C2CD2: variants seen among roughly 807,000 people sequenced by gnomAD.
The protein encoded by C2CD2 is C2 domain-containing protein 2.
Under a neutral mutation model 74.3 loss-of-function variants are expected in C2CD2, and 43 were observed. That is an observed-to-expected ratio of 0.58 (90% confidence interval 0.45 to 0.75). The LOEUF (loss-of-function observed/expected upper bound fraction) is 0.75, where lower values mean the gene tolerates loss of function less well. C2CD2 is among the 30% of genes least tolerant of loss of function. The pLI is 0.00. For synonymous variants in C2CD2, 422 were observed against 390.7 expected, an observed-to-expected ratio of 1.08 and a Z score of -0.94; for missense variants, 801 against 916.3, an observed-to-expected ratio of 0.87 and a Z score of 1.63.
chr21:41,950,963 G>C (rs983394320), intron 1 of C2CD2, among the ~76,000 whole-genome samples: 2 of 152,190 alleles, frequency 1.3e-5, no homozygotes, highest in African/African-American at 4.8e-5. Context: ...GCAGAGGCAG[G>C]AGGGGGAGCA....
chr21:41,888,801 A>G lies in C2CD2; in HGVS notation c.*323T>C, dbSNP rs1429247590. 1 of 370,336 alleles carries G rather than the reference A, an allele frequency of 2.7e-6. No homozygotes were observed. The highest frequency in any genetic ancestry group is 6.0e-5 in the East Asian group (1 of 16,700). 22.9% of individuals were successfully genotyped at this position (370,336 alleles called of 1,614,324 possible). On this transcript the variant is annotated 3_prime_UTR_variant, in exon 14 of 14. Transcript: ENST00000380486. ...CCCTCAAACCTGCCCTCCACAATCT[A>G]TTAGAGCATATTATTTCACTTATAA...
intron 1 of C2CD2, among the ~76,000 whole-genome samples, chr21:41,944,363 A>G (rs2065380476): frequency 6.6e-6 from 1 of 151,372 alleles, no homozygotes; most frequent in African/African-American, 2.4e-5. Context: ...ATACACACAC[A>G]CAAAAAAAAT....
chr21:41,910,691 T>TACACAC (rs34542509), intron 7 of C2CD2, among the ~76,000 whole-genome samples: 22 of 151,548 alleles, frequency 1.5e-4, no homozygotes, highest in African/African-American at 5.3e-4. Context: ...ATAAAAGCTA[T>TACACAC]ACACACACAC....
At chr21:41,946,490 C>A (rs1425265523) in intron 1 of C2CD2, among the ~76,000 whole-genome samples, 3 of 152,142 alleles carry the variant, frequency 2.0e-5, no homozygotes, top group Non-Finnish European at 4.4e-5. Flanking sequence ...TCTTTCTCCC[C>A]CTCCTGCTCT....
At chr21:41,907,620 C>T (rs774123692) in intron 9 of C2CD2, 40 bp downstream of exon 9, 1 of 1,596,296 alleles carries the variant, frequency 6.3e-7, no homozygotes. Context: ...GGTAAGTGCC[C>T]CAAGCCGGAA....
intron 11 of C2CD2, 110 bp from the exon 12 acceptor site, chr21:41,901,859 TA>T: frequency 1.0e-6 from 1 of 967,612 alleles, no homozygotes; most frequent in South Asian, 1.4e-5. Context: ...AGATATTTTC[TA>T]AAAGGGGCCA....
Position 41,923,691 on chromosome 21 carries a change from C to G in C2CD2, c.379-1606G>C, listed in dbSNP as rs913636462. Reference sequence around the variant, plus strand: ...AATAAACCAAACTGTGGTTTCCTGACATAAATCATAATCATACAGTATTAA... The same window carrying G: ...AATAAACCAAACTGTGGTTTCCTGAGATAAATCATAATCATACAGTATTAA... On this transcript the variant is annotated intron_variant, in intron 2 of 13. Coordinates refer to ENST00000380486, the MANE Select transcript of C2CD2 (RefSeq NM_015500.2). The surrounding 1 kb of genome is among the most constrained non-coding windows in gnomAD (Gnocchi z 5.8). Among the ~76,000 whole-genome samples the G allele has an allele frequency of 2.0e-5, 3 of 152,160 alleles. No homozygotes were observed. The highest frequency in any genetic ancestry group is 7.2e-5 in the African/African-American group (3 of 41,428).
rs534780353 is a variant in C2CD2 at position 41,887,502 on chromosome 21, GAAA to G, written c.*1619_*1621del. On this transcript the variant is annotated 3_prime_UTR_variant, in exon 14 of 14. Coordinates refer to ENST00000380486, the MANE Select transcript of C2CD2 (RefSeq NM_015500.2). ...TTTTATACAGGTTTTTACTAAAAAA[GAAA>G]AAAATCCTATAATTTTGGTTTTCAT... 4.0e-5 allele frequency: 6 copies of G among 149,842 alleles called. No individual in the cohort carries two copies. Among genetic ancestry groups the G allele is most frequent in the Non-Finnish European group, 7.4e-5 (5 of 67,472 alleles). The allele number at this position is 149,842 out of a possible 1,614,324, so 9.3% of individuals were successfully genotyped here.
rs1427434718 is a variant in C2CD2, at chr21:41,953,782, G to A, written c.-134C>T. On this transcript the variant is annotated 5_prime_UTR_variant, in exon 1 of 14. Coordinates refer to ENST00000380486, the MANE Select transcript of C2CD2 (RefSeq NM_015500.2). ...GGGCGCGGCGGGGTCGGAGCCCGGC[G>A]AGGAGCGTGGCCGGGGGCCTCTGGG... 13 of 823,934 alleles carry A rather than the reference G, an allele frequency of 1.6e-5. No homozygotes were observed. The highest frequency in any genetic ancestry group is 3.6e-5 in the African/African-American group (2 of 55,708). 51.0% of individuals were successfully genotyped at this position (823,934 alleles called of 1,614,324 possible).
rs1318348095 is a variant in C2CD2, at chr21:41,903,209, G to C, written c.1433-1460C>G. Among the ~76,000 whole-genome samples the C allele has an allele frequency of 1.3e-5, 2 of 152,158 alleles. No individual in the cohort carries two copies. The highest frequency in any genetic ancestry group is 2.4e-5 in the African/African-American group (1 of 41,440). ...AGCCCCTTCATCTGGCTGTGCATTT[G>C]TGTGATAATAAACTGGTAAACCCAA... is the stretch of plus-strand genomic sequence containing the variant. On this transcript the variant is annotated intron_variant, in intron 11 of 13. Transcript: ENST00000380486. The surrounding 1 kb of genome is among the most constrained non-coding windows in gnomAD (Gnocchi z 4.5).
chr21:41,916,138 A>G (rs966762980), intron 5 of C2CD2, among the ~76,000 whole-genome samples: 3 of 152,194 alleles, frequency 2.0e-5, no homozygotes, highest in Admixed American at 6.5e-5. Context: ...CCTGAAATCC[A>G]AGGACATGAG....
chr21:41,953,154 G>A, intron 1 of C2CD2: 1 of 399,354 alleles, frequency 2.5e-6, no homozygotes, highest in Non-Finnish European at 4.4e-6. Flanking sequence ...TGGAGCACCT[G>A]CCGTTTGGAG....
chr21:41,931,756 G>A (rs1014824648), intron 2 of C2CD2, among the ~76,000 whole-genome samples: 1 of 150,070 alleles, frequency 6.7e-6, no homozygotes, highest in Non-Finnish European at 1.5e-5. Flanking sequence ...GGGCTGTTGG[G>A]GGGGACCCCA....
At chr21:41,951,362 C>T (rs1159038340) in intron 1 of C2CD2, among the ~76,000 whole-genome samples, 1 of 150,268 alleles carries the variant, frequency 6.7e-6, no homozygotes, top group South Asian at 2.1e-4. Flanking sequence ...TTCCCCCACC[C>T]CCGTCCCCAG....
intron 7 of C2CD2, among the ~76,000 whole-genome samples, chr21:41,911,752 A>C (rs552590640): frequency 3.3e-5 from 5 of 151,516 alleles, no homozygotes; most frequent in African/African-American, 1.2e-4. Context: ...ATACAGTGGC[A>C]CAATCACAGC....
chr21:41,897,551 A>AG (rs2064838623), intron 13 of C2CD2, among the ~76,000 whole-genome samples: 1 of 152,276 alleles, frequency 6.6e-6, no homozygotes, highest in African/African-American at 2.4e-5. Context: ...TGCTCTGTGG[A>AG]GGGGGGTCCA....
chr21:41,924,701 TAAA>T lies in C2CD2; in HGVS notation c.379-2619_379-2617del, dbSNP rs1334107683. ...TCCTTTTACTGCTTAAAGTAAAAAA[TAAA>T]AAATAAAAATAAATTTAAAAACCCA... On this transcript the variant is annotated intron_variant, in intron 2 of 13. Coordinates refer to ENST00000380486, the MANE Select transcript of C2CD2 (RefSeq NM_015500.2). The surrounding 1 kb of genome is among the most constrained non-coding windows in gnomAD (Gnocchi z 4.4). Among the ~76,000 whole-genome samples, 1 of 139,230 alleles carries T rather than the reference TAAA, an allele frequency of 7.2e-6. No homozygotes were observed. Among genetic ancestry groups the T allele is most frequent in the African/African-American group, 3.2e-5 (1 of 31,504 alleles). The allele number at this position is 139,230 out of a possible 152,430, so 91.3% of individuals were successfully genotyped here.
intron 2 of C2CD2, among the ~76,000 whole-genome samples, chr21:41,927,582 T>C (rs1005339701): frequency 5.9e-5 from 9 of 152,272 alleles, no homozygotes; most frequent in African/African-American, 2.2e-4. Flanking sequence ...GCGATTCTCC[T>C]GCCTCAGCCT....
At chr21:41,898,370 G>A (rs980190146) in intron 13 of C2CD2, among the ~76,000 whole-genome samples, 1 of 151,962 alleles carries the variant, frequency 6.6e-6, no homozygotes, top group Non-Finnish European at 1.5e-5. Context: ...CATCTGGAAC[G>A]GACCCCAAGC....
Sources: gnomAD v4.1 joint callset for allele counts (sites outside exome capture counted in the v4.1 genomes callset) on GRCh38, gnomAD v4.1.1 for gene constraint, Gnocchi (gnomAD v3.1) non-coding constraint, MANE v1.5 for transcripts, NCBI Gene and HGNC (gene_info 2026-07-23, HGNC 2026-07-21) for gene names.